PLCL1: variants seen among roughly 807,000 people sequenced by gnomAD.
PLCL1 encodes the protein phospholipase C like 1 (inactive), also known as inactive phospholipase C-like protein 1.
Under a neutral mutation model 84.4 loss-of-function variants are expected in PLCL1, and 41 were observed. The ratio of observed to expected loss-of-function variants is 0.49; its 90% CI spans 0.38 to 0.63. The LOEUF (loss-of-function observed/expected upper bound fraction) is 0.63. Among genes scored for constraint, PLCL1 ranks in the 30% least tolerant of loss-of-function variants. PLCL1 has a pLI of 0.00. For missense variants in PLCL1, 1,206 were observed against 1,367.8 expected, an observed-to-expected ratio of 0.88 and a Z score of 1.87; for synonymous variants, 490 against 488.3, an observed-to-expected ratio of 1.00 and a Z score of -0.05.
chr2:197,890,701 T>TATATATGTACAC (rs11270566), intron 1 of PLCL1, among the ~76,000 whole-genome samples: 3 of 118,544 alleles, frequency 2.5e-5, no homozygotes, highest in African/African-American at 1.1e-4. Flanking sequence ...TATATATATA[T>TATATATGTACAC]ACACACACAC....
At chr2:197,984,485 C>T (rs977977706) in intron 1 of PLCL1, among the ~76,000 whole-genome samples, 1 of 152,014 alleles carries the variant, frequency 6.6e-6, no homozygotes, top group African/African-American at 2.4e-5. Context: ...TTAAAAATAA[C>T]CCATTTAAAT....
chr2:197,910,224 T>A (rs1053827074), intron 1 of PLCL1, among the ~76,000 whole-genome samples: 6 of 152,254 alleles, frequency 3.9e-5, no homozygotes, highest in African/African-American at 1.4e-4. Flanking sequence ...TTCATTTCCC[T>A]GGTGGATCTC....
At chr2:197,813,471 A>G (rs769439653) in intron 1 of PLCL1, among the ~76,000 whole-genome samples, 62 of 152,200 alleles carry the variant, frequency 4.1e-4, no homozygotes, top group Admixed American at 7.2e-4. Context: ...AATATTTTGG[A>G]AGTATTGATT....
intron 1 of PLCL1, among the ~76,000 whole-genome samples, chr2:197,850,721 G>A (rs1418951702): frequency 6.6e-6 from 1 of 152,018 alleles, no homozygotes; most frequent in Non-Finnish European, 1.5e-5. Context: ...GTTCATCTTT[G>A]GAGTGGGGAC....
intron 1 of PLCL1, among the ~76,000 whole-genome samples, chr2:198,019,446 A>G (rs183883262): frequency 6.6e-6 from 1 of 152,322 alleles, no homozygotes; most frequent in East Asian, 1.9e-4. Context: ...TCCAAGCTAA[A>G]CAAGCATGCT....
intron 1 of PLCL1, among the ~76,000 whole-genome samples, chr2:197,970,143 C>T (rs901657361): frequency 1.1e-4 from 17 of 152,272 alleles, no homozygotes; most frequent in African/African-American, 3.9e-4. Context: ...TTATTTCTCA[C>T]ATTTCTGGAG....
Position 197,856,237 on chromosome 2 carries a change from TG to T in PLCL1, c.240+50899del, listed in dbSNP as rs1687327928. Among the ~76,000 whole-genome samples, 3 of 152,336 alleles carry T rather than the reference TG, an allele frequency of 2.0e-5. No homozygotes were observed. In the South Asian group the frequency reaches 6.2e-4, roughly 32 times the overall value. ...AGAGGTCCAGCCCCGTAGGTCATAGTGACACTGTGATGGAACGTTTACTTCC... is the reference window on the plus strand; with the variant it reads ...AGAGGTCCAGCCCCGTAGGTCATAGTACACTGTGATGGAACGTTTACTTCC... On this transcript the variant is annotated intron_variant, in intron 1 of 5. Transcript: ENST00000428675.
At position 197,916,358 on chromosome 2, in the gene PLCL1, C is replaced by G. The variant is rs147006370; in HGVS notation, c.240+111019C>G. 2.6e-3 allele frequency among the ~76,000 whole-genome samples: 394 copies of G among 152,266 alleles called. 1 individual carries two copies. The highest frequency in any genetic ancestry group is 9.0e-3 in the African/African-American group (372 of 41,554). ...AGATTATAGGCTCTGGACTTAAACT[C>G]TCTGGATTCAGTAGTGGCTCAGTTA... On this transcript the variant is annotated intron_variant, in intron 1 of 5. Transcript: ENST00000428675.
intron 1 of PLCL1, among the ~76,000 whole-genome samples, chr2:197,923,210 A>G (rs1418218997): frequency 2.9e-5 from 3 of 102,834 alleles, no homozygotes; most frequent in Admixed American, 9.8e-5. Context: ...CGGGGGGCTG[A>G]CCCCCCACCT....
At chr2:197,865,469 G>C (rs956305092) in intron 1 of PLCL1, among the ~76,000 whole-genome samples, 7 of 152,138 alleles carry the variant, frequency 4.6e-5, no homozygotes, top group African/African-American at 1.7e-4. Flanking sequence ...ACCTTAAGGA[G>C]CTCACATGCA....
chr2:197,930,837 C>G lies in PLCL1; in HGVS notation c.240+125498C>G, dbSNP rs568144871. On this transcript the variant is annotated intron_variant, in intron 1 of 5. Transcript: ENST00000428675. ...AAAAGTTCCCACATAAGGAGGCCAG[C>G]ACTGTCAAAGTTCTTTTTTCTATCT... is the stretch of plus-strand genomic sequence containing the variant. Among the ~76,000 whole-genome samples the G allele has an allele frequency of 7.2e-5, 11 of 152,294 alleles. No individual in the cohort carries two copies. In the South Asian group the frequency reaches 2.1e-3, roughly 29 times the overall value.
At chr2:198,067,771 G>A (rs957584032) in intron 1 of PLCL1, among the ~76,000 whole-genome samples, 2 of 152,198 alleles carry the variant, frequency 1.3e-5, no homozygotes, top group Non-Finnish European at 2.9e-5. Flanking sequence ...CTTCAGAGAT[G>A]TCAACAGAAA....
intron 1 of PLCL1, among the ~76,000 whole-genome samples, chr2:197,911,441 G>A (rs962521034): frequency 6.6e-6 from 1 of 151,964 alleles, no homozygotes; most frequent in Non-Finnish European, 1.5e-5. Flanking sequence ...ATATTTGAGG[G>A]AATATCTGAA....
intron 1 of PLCL1, among the ~76,000 whole-genome samples, chr2:197,872,355 G>T (rs577874311): frequency 8.3e-4 from 127 of 152,234 alleles, no homozygotes; most frequent in African/African-American, 2.9e-3. Context: ...TTAGGGCCTT[G>T]AATCTCTTTG....
At chr2:197,905,200 A>C (rs1232593775) in intron 1 of PLCL1, among the ~76,000 whole-genome samples, 16 of 152,138 alleles carry the variant, frequency 1.1e-4, no homozygotes, top group Admixed American at 1.0e-3. Context: ...TCCAGGTTTT[A>C]AGCCCCACAT....
At chr2:197,842,475 C>T (rs1687025135) in intron 1 of PLCL1, among the ~76,000 whole-genome samples, 1 of 152,112 alleles carries the variant, frequency 6.6e-6, no homozygotes, top group African/African-American at 2.4e-5. Flanking sequence ...TGCCATCCCC[C>T]ATCAGCACCT....
chr2:197,896,033 A>G (rs945630031), intron 1 of PLCL1, among the ~76,000 whole-genome samples: 6 of 151,902 alleles, frequency 3.9e-5, no homozygotes, highest in African/African-American at 1.2e-4. Context: ...CCTGGCTGAG[A>G]TTAGAATTAT....
intron 1 of PLCL1, among the ~76,000 whole-genome samples, chr2:197,923,893 C>T (rs926344762): frequency 2.6e-4 from 39 of 151,450 alleles, no homozygotes; most frequent in Non-Finnish European, 4.0e-4. Flanking sequence ...AACGAGACTC[C>T]GTCTGCAATC....
chr2:197,841,794 AC>A (rs1687008362), intron 1 of PLCL1, among the ~76,000 whole-genome samples: 1 of 152,218 alleles, frequency 6.6e-6, no homozygotes, highest in Non-Finnish European at 1.5e-5. Flanking sequence ...TGTCAAGGTA[AC>A]TTCTGATGTT....
Sources: gnomAD v4.1 joint callset for allele counts (sites outside exome capture counted in the v4.1 genomes callset) on GRCh38, gnomAD v4.1.1 for gene constraint, MANE v1.5 for transcripts, NCBI Gene and HGNC (gene_info 2026-07-23, HGNC 2026-07-21) for gene names.